PLXDC2: variants seen among roughly 807,000 people sequenced by gnomAD.
PLXDC2 encodes plexin domain containing 2.
Under a neutral mutation model 68.9 loss-of-function variants are expected in PLXDC2, and 40 were observed. The ratio of observed to expected loss-of-function variants is 0.58; its 90% CI spans 0.45 to 0.76. PLXDC2 has a LOEUF of 0.76. Ranked by LOEUF, PLXDC2 falls within the 30% of genes least tolerant of loss-of-function variation. The probability of loss-of-function intolerance (pLI) is 0.00; values close to 1 mark genes in which losing one functional copy is unlikely to be tolerated. For missense variants in PLXDC2, 644 were observed against 661.9 expected, an observed-to-expected ratio of 0.97 and a Z score of 0.30; for synonymous variants, 243 against 234.2, an observed-to-expected ratio of 1.04 and a Z score of -0.34.
intron 1 of PLXDC2, among the ~76,000 whole-genome samples, chr10:19,999,741 A>C (rs759652852): frequency 9.2e-5 from 14 of 152,272 alleles, no homozygotes; most frequent in Middle Eastern, 6.8e-3. Context: ...GCTGGGTTAT[A>C]AGGTGCCTCA....
chr10:20,234,595 C>T (rs970687773), intron 12 of PLXDC2, among the ~76,000 whole-genome samples: 2 of 150,742 alleles, frequency 1.3e-5, no homozygotes, highest in African/African-American at 2.4e-5. Flanking sequence ...GTTCTCGTAA[C>T]ACAAACTAAA....
chr10:20,217,795 G>A (rs1835160462), intron 11 of PLXDC2, among the ~76,000 whole-genome samples: 1 of 151,810 alleles, frequency 6.6e-6, no homozygotes, highest in Non-Finnish European at 1.5e-5. Flanking sequence ...TTAATGCACT[G>A]TGCCTTTTTT....
chr10:20,090,490 A>T (rs893829658), intron 4 of PLXDC2, among the ~76,000 whole-genome samples: 4 of 152,032 alleles, frequency 2.6e-5, no homozygotes, highest in African/African-American at 9.7e-5. Context: ...TGGAAACAAT[A>T]TTGTCCATAT....
chr10:20,018,922 C>A (rs995971637), intron 2 of PLXDC2, among the ~76,000 whole-genome samples: 1 of 152,022 alleles, frequency 6.6e-6, no homozygotes, highest in African/African-American at 2.4e-5. Context: ...ATAGCTATAA[C>A]TATTTCTAAA....
Position 20,068,173 on chromosome 10 carries a change from G to T in PLXDC2, c.475G>T (p.Val159Leu). The T allele has an allele frequency of 6.2e-7, 1 of 1,612,186 alleles. No homozygotes were observed. The highest frequency in any genetic ancestry group is 8.5e-7 in the Non-Finnish European group (1 of 1,178,576). Residue 159 changes from valine to leucine, a missense_variant, in exon 4 of 14, where the codon GTG (valine) becomes TTG (leucine). Around this residue, in one of 3 missense-constraint regions of PLXDC2, gnomAD observed 113 missense variants for 167.1 expected, o/e 0.68. Coordinates refer to ENST00000377252, the MANE Select transcript of PLXDC2 (RefSeq NM_032812.9). Reference sequence around the variant, plus strand: ...TCTCTGGTGTTGTTCTTTGCAGAGAGTGAATCTGTCCTTCGATTTTCCATT... The same window carrying T: ...TCTCTGGTGTTGTTCTTTGCAGAGATTGAATCTGTCCTTCGATTTTCCATT... The part of the protein sequence containing the change: ...LSNTHRQAAR[V>L]NLSFDFPFYG...
intron 9 of PLXDC2, among the ~76,000 whole-genome samples, chr10:20,208,435 G>C (rs937463716): frequency 7.0e-6 from 1 of 142,394 alleles, no homozygotes; most frequent in African/African-American, 2.8e-5. Flanking sequence ...CCTATGATTA[G>C]ATTATCTCCC....
chr10:20,255,785 A>T (rs1835734594), intron 13 of PLXDC2, among the ~76,000 whole-genome samples: 1 of 152,082 alleles, frequency 6.6e-6, no homozygotes, highest in Non-Finnish European at 1.5e-5. Flanking sequence ...AAATGATGGT[A>T]GTAATCGTGC....
At chr10:20,110,958 C>T (rs1833552757) in intron 4 of PLXDC2, among the ~76,000 whole-genome samples, 2 of 152,176 alleles carry the variant, frequency 1.3e-5, no homozygotes, top group African/African-American at 4.8e-5. Flanking sequence ...ACCTCTGACA[C>T]CTATTGGGCT....
intron 1 of PLXDC2, among the ~76,000 whole-genome samples, chr10:19,836,974 G>A (rs771471386): frequency 7.2e-5 from 11 of 152,114 alleles, no homozygotes; most frequent in Non-Finnish European, 1.2e-4. Flanking sequence ...TGTGTTTAAG[G>A]AATCAGGGAA....
intron 4 of PLXDC2, among the ~76,000 whole-genome samples, chr10:20,075,630 AC>A (rs1836428030): frequency 6.6e-6 from 1 of 152,104 alleles, no homozygotes; most frequent in Non-Finnish European, 1.5e-5. Flanking sequence ...CCAGTAGGAG[AC>A]CCAGAGAGAA....
At chr10:19,993,683 G>T (rs2131630792) in intron 1 of PLXDC2, among the ~76,000 whole-genome samples, 1 of 152,332 alleles carries the variant, frequency 6.6e-6, no homozygotes, top group South Asian at 2.1e-4. Context: ...GCCTCCCAAA[G>T]TGCTGGGATT....
At chr10:20,237,646 T>G (rs1835451658) in intron 12 of PLXDC2, among the ~76,000 whole-genome samples, 1 of 152,222 alleles carries the variant, frequency 6.6e-6, no homozygotes, top group African/African-American at 2.4e-5. Flanking sequence ...AATTCATGTC[T>G]GTGTGCATTT....
chr10:20,093,905 A>G (rs1833314041), intron 4 of PLXDC2, among the ~76,000 whole-genome samples: 1 of 152,034 alleles, frequency 6.6e-6, no homozygotes. Context: ...AAACTACTGA[A>G]TTCAGGCGAT....
At chr10:20,194,821 AG>A (rs1402907383) in intron 9 of PLXDC2, among the ~76,000 whole-genome samples, 1 of 125,298 alleles carries the variant, frequency 8.0e-6, no homozygotes, top group Non-Finnish European at 1.6e-5. Context: ...ACTTGGACAC[AG>A]GAAGAAATAC....
At chr10:20,255,432 C>A (rs1174357494) in intron 13 of PLXDC2, among the ~76,000 whole-genome samples, 1 of 152,102 alleles carries the variant, frequency 6.6e-6, no homozygotes, top group Non-Finnish European at 1.5e-5. Flanking sequence ...TGAATAATTT[C>A]TTCCTTGTGA....
chr10:19,832,056 G>T (rs191616255), intron 1 of PLXDC2, among the ~76,000 whole-genome samples: 51 of 152,070 alleles, frequency 3.4e-4, no homozygotes, highest in African/African-American at 1.2e-3. Flanking sequence ...CAAACAAATG[G>T]GTTTTTCGTT....
chr10:19,936,410 A>G (rs1029963288), intron 1 of PLXDC2, among the ~76,000 whole-genome samples: 1 of 152,218 alleles, frequency 6.6e-6, no homozygotes, highest in African/African-American at 2.4e-5. Context: ...CTACTAGTCA[A>G]ATCTGACACT....
At chr10:19,956,314 T>C (rs1834068748) in intron 1 of PLXDC2, among the ~76,000 whole-genome samples, 1 of 152,188 alleles carries the variant, frequency 6.6e-6, no homozygotes, top group Non-Finnish European at 1.5e-5. Flanking sequence ...TTTAAAACAA[T>C]GTAACATATC....
chr10:20,081,355 T>C (rs1062161), intron 4 of PLXDC2, among the ~76,000 whole-genome samples: 3 of 151,832 alleles, frequency 2.0e-5, no homozygotes, highest in African/African-American at 7.3e-5. Context: ...AGCCTAAAGA[T>C]ACAGACCTAC....
Sources: gnomAD v4.1 joint callset for allele counts (sites outside exome capture counted in the v4.1 genomes callset) on GRCh38, gnomAD v4.1.1 for gene constraint, gnomAD v4.1.1 regional missense constraint, MANE v1.5 for transcripts, NCBI Gene and HGNC (gene_info 2026-07-23, HGNC 2026-07-21) for gene names.